TASP1: variants seen among roughly 807,000 people sequenced by gnomAD.
The protein encoded by TASP1 is threonine aspartase 1.
A neutral mutation model predicts 56.6 loss-of-function variants in TASP1; 16 were observed. The observed-to-expected ratio is 0.28, with a 90% CI of 0.19 to 0.43. TASP1 has a LOEUF of 0.43. Ranked by LOEUF, TASP1 falls within the 20% of genes least tolerant of loss-of-function variation. The pLI, the probability that TASP1 is intolerant of heterozygous loss-of-function variation, is 1.00. For synonymous variants in TASP1, 179 were observed against 184.2 expected (o/e 0.97, Z 0.23); for missense variants, 393 against 511.6 (o/e 0.77, Z 2.24).
chr20:13,364,185 T>C, the TASP1 span, among the ~76,000 whole-genome samples: 1 of 152,200 alleles, frequency 6.6e-6, no homozygotes, highest in Non-Finnish European at 1.5e-5. Flanking sequence ...CAGATTAACA[T>C]TTTTCTGGTA....
rs949138817 is a variant in TASP1, at chr20:13,457,499, A to C, written c.986-22345T>G. Among the ~76,000 whole-genome samples the C allele has an allele frequency of 5.5e-4, 84 of 152,284 alleles. 1 individual carries two copies. Among genetic ancestry groups the C allele is most frequent in the African/African-American group, 1.8e-3 (75 of 41,586 alleles). Reference sequence around the variant, plus strand: ...AACTTTATTGTAGTATACTTAAAGGATTTAAATTAACCTAAATTTACATGA... The same window carrying C: ...AACTTTATTGTAGTATACTTAAAGGCTTTAAATTAACCTAAATTTACATGA... On this transcript the variant is annotated intron_variant, in intron 11 of 13. Coordinates refer to ENST00000337743, the MANE Select transcript of TASP1 (RefSeq NM_017714.3).
At chr20:13,578,096 G>A (rs774594405) in intron 6 of TASP1, among the ~76,000 whole-genome samples, 10 of 152,014 alleles carry the variant, frequency 6.6e-5, no homozygotes, top group African/African-American at 1.7e-4. Flanking sequence ...TCAACTGGCT[G>A]TTTATGTTCC....
chr20:13,216,696 T>A, the TASP1 span, among the ~76,000 whole-genome samples: 32 of 152,182 alleles, frequency 2.1e-4, no homozygotes, highest in African/African-American at 7.5e-4. Context: ...ACACATTTTT[T>A]AAAAAAGTTT....
the TASP1 span, among the ~76,000 whole-genome samples, chr20:13,196,387 C>A: frequency 5.9e-5 from 9 of 152,172 alleles, no homozygotes; most frequent in Non-Finnish European, 1.3e-4. Flanking sequence ...TCTTATTTTA[C>A]AATTAAATTC....
At chr20:13,146,944 G>C in the TASP1 span, among the ~76,000 whole-genome samples, 1 of 152,198 alleles carries the variant, frequency 6.6e-6, no homozygotes, top group Non-Finnish European at 1.5e-5. Context: ...TTCCTCATCT[G>C]TGAAGTGGGC....
chr20:13,574,013 C>T (rs2046811197), intron 6 of TASP1, among the ~76,000 whole-genome samples: 1 of 151,786 alleles, frequency 6.6e-6, no homozygotes, highest in Admixed American at 6.6e-5. Flanking sequence ...ATAGAGAGTA[C>T]GCTAGAGATC....
chr20:13,573,721 A>C (rs1050061234), intron 6 of TASP1, among the ~76,000 whole-genome samples: 1 of 152,192 alleles, frequency 6.6e-6, no homozygotes, highest in African/African-American at 2.4e-5. Context: ...TTACCCTCTT[A>C]TTTGAAGTGG....
chr20:13,597,355 C>T (rs1466939453), intron 4 of TASP1, among the ~76,000 whole-genome samples: 1 of 152,198 alleles, frequency 6.6e-6, no homozygotes, highest in African/African-American at 2.4e-5. Context: ...GGCTTCATCC[C>T]TGGGATGCAA....
chr20:13,179,956 G>C, the TASP1 span, among the ~76,000 whole-genome samples: 2 of 152,104 alleles, frequency 1.3e-5, no homozygotes, highest in African/African-American at 4.8e-5. Flanking sequence ...TGGAGAGTTT[G>C]TAGTCTATGG....
At chr20:13,154,266 CT>C in the TASP1 span, 5 of 1,213,122 alleles carry the variant, frequency 4.1e-6, no homozygotes, top group South Asian at 1.5e-5. Context: ...CGTACGGCTT[CT>C]CGGAAGCCAC....
the TASP1 span, among the ~76,000 whole-genome samples, chr20:13,109,525 G>A: frequency 6.6e-6 from 1 of 152,178 alleles, no homozygotes; most frequent in Admixed American, 6.5e-5. Flanking sequence ...AGCTTAGAAG[G>A]GTGCCTGGCA....
At chr20:13,496,945 A>G (rs560762190) in intron 10 of TASP1, among the ~76,000 whole-genome samples, 1 of 152,346 alleles carries the variant, frequency 6.6e-6, no homozygotes, top group South Asian at 2.1e-4. Flanking sequence ...CTAAGGAAGC[A>G]GTGGAAAAAG....
At chr20:13,363,830 A>G in the TASP1 span, among the ~76,000 whole-genome samples, 4 of 152,186 alleles carry the variant, frequency 2.6e-5, no homozygotes, top group East Asian at 1.9e-4. Flanking sequence ...GAAGTGTTGC[A>G]TTGAGTAGTG....
At chr20:13,159,983 T>C in the TASP1 span, 1 of 1,525,778 alleles carries the variant, frequency 6.6e-7, no homozygotes, top group Non-Finnish European at 8.8e-7. Flanking sequence ...TTTTTTTTTC[T>C]TTTTTTGCTT....
Position 13,483,253 on chromosome 20 carries a change from A to G in TASP1, c.959T>C (p.Leu320Ser). 1.3e-6 allele frequency: 2 copies of G among 1,596,702 alleles called. No individual in the cohort carries two copies. The highest frequency in any genetic ancestry group is 1.7e-6 in the Non-Finnish European group (2 of 1,171,210). Reference protein sequence around the residue: ...LQAEDAHQALLETMQNKFISS... With the variant: ...LQAEDAHQALSETMQNKFISS... ...GATAAACTTGTTTTGCATAGTCTCC[A>G]ACAGGGCTTGGTGAGCATCCTCAGC... is the stretch of plus-strand genomic sequence containing the variant. The change falls in exon 11 of 14, where the codon TTG (leucine) becomes TCG (serine). Residue 320 changes from leucine (L) to serine (S), a missense_variant. Leu to Ser is a moderately radical substitution (Grantham distance 145, BLOSUM62 -2). Coordinates refer to ENST00000337743, the MANE Select transcript of TASP1 (RefSeq NM_017714.3).
chr20:13,419,872 G>A (rs1350594568), intron 12 of TASP1, among the ~76,000 whole-genome samples: 4 of 152,190 alleles, frequency 2.6e-5, no homozygotes, highest in African/African-American at 9.7e-5. Flanking sequence ...GTCACGCAAT[G>A]AAGCAAGTTC....
chr20:13,481,872 T>C lies in TASP1; in HGVS notation c.985+1355A>G, dbSNP rs551787882. 2.6e-5 allele frequency among the ~76,000 whole-genome samples: 4 copies of C among 152,294 alleles called. No individual in the cohort carries two copies. The East Asian group carries it at 5.8e-4, about 22-fold the overall frequency. On this transcript the variant is annotated intron_variant, in intron 11 of 13. Coordinates refer to ENST00000337743, the MANE Select transcript of TASP1 (RefSeq NM_017714.3). The stretch of plus-strand genomic sequence containing the variant: ...AAATTATCTTCTCCCATTCTTTGGG[T>C]TGTCTCTTCACTTTGTTGTTCCCTT...
intron 13 of TASP1, among the ~76,000 whole-genome samples, chr20:13,412,388 T>C (rs1470851676): frequency 6.6e-6 from 1 of 152,234 alleles, no homozygotes; most frequent in East Asian, 1.9e-4. Context: ...GAATTTAGTT[T>C]ACTTAGGTTT....
At chr20:13,565,069 A>G (rs1160892065) in intron 7 of TASP1, among the ~76,000 whole-genome samples, 1 of 152,036 alleles carries the variant, frequency 6.6e-6, no homozygotes, top group African/African-American at 2.4e-5. Flanking sequence ...AATGCAATAG[A>G]TTAAAGAGTT....
Sources: gnomAD v4.1 joint callset for allele counts (sites outside exome capture counted in the v4.1 genomes callset) on GRCh38, gnomAD v4.1.1 for gene constraint, MANE v1.5 for transcripts, NCBI Gene and HGNC (gene_info 2026-07-23, HGNC 2026-07-21) for gene names.